Variants in WDHD1 observed in about 807,000 individuals in gnomAD.
WDHD1 encodes WD repeat and HMG-box DNA-binding protein 1.
WDHD1 carries 111 observed loss-of-function variants against 135.4 expected under a neutral mutation model. That is an observed-to-expected ratio of 0.82 (90% CI 0.70 to 0.96). The LOEUF (loss-of-function observed/expected upper bound fraction) is 0.96. Ranked by LOEUF, WDHD1 falls within the 40% of genes least tolerant of loss-of-function variation. The pLI, the probability that WDHD1 is intolerant of heterozygous loss-of-function variation, is 0.00. For missense variants in WDHD1, 1,351 were observed against 1,336.3 expected (o/e 1.01, Z -0.17); for synonymous variants, 434 against 439.0 (o/e 0.99, Z 0.14).
At chr14:55,018,563 A>C (rs1016046077) in intron 2 of WDHD1, among the ~76,000 whole-genome samples, 3 of 150,990 alleles carry the variant, frequency 2.0e-5, no homozygotes, top group African/African-American at 7.4e-5. Context: ...TTTTGTCCTT[A>C]AAAACAGTGA....
intron 7 of WDHD1, among the ~76,000 whole-genome samples, chr14:55,003,138 T>A (rs1039030920): frequency 6.6e-6 from 1 of 152,188 alleles, no homozygotes; most frequent in Non-Finnish European, 1.5e-5. Context: ...ATTAGGTTTT[T>A]TTGTAAGCAA....
intron 22 of WDHD1, 106 bp from the exon 23 acceptor site, chr14:54,957,310 A>T: frequency 1.6e-6 from 2 of 1,228,406 alleles, no homozygotes; most frequent in Non-Finnish European, 1.1e-6. Context: ...TTGCCATCTC[A>T]TCTTTAGAAC....
chr14:54,974,776 G>A (rs2041497655), intron 16 of WDHD1, among the ~76,000 whole-genome samples: 1 of 152,172 alleles, frequency 6.6e-6, no homozygotes, highest in Admixed American at 6.5e-5. Flanking sequence ...GCAGTGAGAT[G>A]AGATTGTGCC....
At chr14:54,975,282 G>A (rs1300817301) in intron 16 of WDHD1, among the ~76,000 whole-genome samples, 1 of 151,932 alleles carries the variant, frequency 6.6e-6, no homozygotes, top group East Asian at 1.9e-4. Flanking sequence ...ACAATACTTG[G>A]TAAACTGAAG....
chr14:54,986,416 C>A (rs990376319), intron 14 of WDHD1, among the ~76,000 whole-genome samples: 3 of 152,148 alleles, frequency 2.0e-5, no homozygotes, highest in Non-Finnish European at 4.4e-5. Context: ...AACTCTCCCG[C>A]CTCGGCCTCC....
In WDHD1 at chr14:54,981,631, A is replaced by C; in HGVS notation, c.1972T>G (p.Trp658Gly). The C allele has an allele frequency of 6.2e-7, 1 of 1,612,404 alleles. No homozygotes were observed. Among genetic ancestry groups the C allele is most frequent in the East Asian group, 2.2e-5 (1 of 44,838 alleles). The change falls in exon 16 of 26, where the codon TGG (tryptophan) becomes GGG (glycine). Residue 658 changes from tryptophan to glycine, a missense_variant. Around this residue, in one of 2 missense-constraint regions of WDHD1, gnomAD observed 1,330 missense variants for 1,296.1 expected, o/e 1.03. Coordinates refer to ENST00000360586, the MANE Select transcript of WDHD1 (RefSeq NM_007086.4). ...TCTCTTGTATTACATATAGGAGTCCACGTATTACCAAGTCCTCTGTTAAGC... is the reference window on the plus strand; with the variant it reads ...TCTCTTGTATTACATATAGGAGTCCCCGTATTACCAAGTCCTCTGTTAAGC... ...RMLNRGLGNTWTPICNTREHC... is the reference protein window; with the variant it reads ...RMLNRGLGNTGTPICNTREHC...
rs2040830399 is a variant in WDHD1, at chr14:54,941,099, G to A, written c.*391C>T. ...GTCTATGCTAACACACTTGGAAAGA[G>A]GACTATTGTCCTTCCTTGCACATGA... On this transcript the variant is annotated 3_prime_UTR_variant, in exon 26 of 26. Coordinates refer to ENST00000360586, the MANE Select transcript of WDHD1 (RefSeq NM_007086.4). The A allele has an allele frequency of 6.3e-6, 1 of 158,780 alleles. No homozygotes were observed. Among genetic ancestry groups the A allele is most frequent in the African/African-American group, 2.4e-5 (1 of 41,534 alleles). The allele number at this position is 158,780 out of a possible 1,614,324, so 9.8% of individuals were successfully genotyped here.
chr14:54,959,814 A>T (rs2041221278), intron 21 of WDHD1, among the ~76,000 whole-genome samples: 1 of 152,082 alleles, frequency 6.6e-6, no homozygotes, highest in South Asian at 2.1e-4. Flanking sequence ...AAAACAAACA[A>T]AAAAACCTTT....
At position 55,026,331 on chromosome 14, in the gene WDHD1, T is replaced by A. The variant is rs543055850; in HGVS notation, c.77+380A>T. Among the ~76,000 whole-genome samples, 101 of 151,352 alleles carry A rather than the reference T, an allele frequency of 6.7e-4. 1 individual carries two copies. The Middle Eastern group carries it at 0.024, about 36-fold the overall frequency. ...AAGCCGTCAAAAAGTTAAAAAAAAA[T>A]AAGCAAAAAGGGAAATAGCATCACT... is the stretch of plus-strand genomic sequence containing the variant. On this transcript the variant is annotated intron_variant, in intron 2 of 25. Transcript: ENST00000360586.
chr14:54,970,762 A>G (rs976943063), intron 16 of WDHD1, among the ~76,000 whole-genome samples: 2 of 152,318 alleles, frequency 1.3e-5, no homozygotes, highest in Non-Finnish European at 2.9e-5. Context: ...TTCATATGGA[A>G]CCAAAAAAGA....
intron 24 of WDHD1, among the ~76,000 whole-genome samples, chr14:54,948,491 G>C (rs542998396): frequency 1.7e-3 from 254 of 151,922 alleles, no homozygotes; most frequent in African/African-American, 5.8e-3. Context: ...CAAGGCGGCA[G>C]CCTCAGCCAG....
intron 21 of WDHD1, 151 bp from the exon 22 acceptor site, chr14:54,957,786 T>C: frequency 1.6e-6 from 1 of 632,572 alleles, no homozygotes; most frequent in Non-Finnish European, 2.7e-6. Flanking sequence ...ATATCCTCTT[T>C]CCTACTTCTA....
chr14:54,992,693 T>C (rs573030726), intron 11 of WDHD1, among the ~76,000 whole-genome samples: 1 of 152,170 alleles, frequency 6.6e-6, no homozygotes, highest in East Asian at 1.9e-4. Context: ...GGAGGGAATA[T>C]CACTTGAGGC....
rs1296251172 is a variant in WDHD1, at chr14:54,957,176, A to C, written c.2774T>G (p.Met925Arg). ...AGTTGAACGTGCTGAATTCATTGACATGGCTGGTTCTTTGGAACTGGCTGA... is the reference window on the plus strand; with the variant it reads ...AGTTGAACGTGCTGAATTCATTGACCTGGCTGGTTCTTTGGAACTGGCTGA... ...KVSASSKEPA[M>R]SMNSARSTNI... The change falls in exon 23 of 26, where the codon ATG becomes AGG. Residue 925 changes from methionine to arginine, a missense_variant. By Grantham distance (91) the Met-to-Arg change is moderately conservative. Around this residue, in one of 2 missense-constraint regions of WDHD1, gnomAD observed 1,330 missense variants for 1,296.1 expected, o/e 1.03. Coordinates refer to ENST00000360586, the MANE Select transcript of WDHD1 (RefSeq NM_007086.4). 3 of 1,613,962 alleles carry C rather than the reference A, an allele frequency of 1.9e-6. No individual in the cohort carries two copies. Among genetic ancestry groups the C allele is most frequent in the Non-Finnish European group, 1.7e-6 (2 of 1,179,968 alleles).
chr14:55,003,421 G>A (rs991656929), intron 7 of WDHD1, among the ~76,000 whole-genome samples: 3 of 151,896 alleles, frequency 2.0e-5, no homozygotes, highest in Non-Finnish European at 4.4e-5. Flanking sequence ...GGGCTGAGGT[G>A]GGAGGATGAA....
At chr14:55,005,871 C>T (rs761829030) in intron 7 of WDHD1, among the ~76,000 whole-genome samples, 6 of 151,584 alleles carry the variant, frequency 4.0e-5, no homozygotes, top group Non-Finnish European at 7.4e-5. Flanking sequence ...TCAGATGAGA[C>T]ATTTTATTTT....
chr14:55,002,614 T>A (rs2140215877), intron 7 of WDHD1, among the ~76,000 whole-genome samples: 1 of 145,858 alleles, frequency 6.9e-6, no homozygotes, highest in Admixed American at 7.0e-5. Flanking sequence ...TGATTACTTT[T>A]TTTTCCCCCA....
At chr14:55,021,317 TCTTC>T (rs1354214367) in intron 2 of WDHD1, among the ~76,000 whole-genome samples, 1 of 152,238 alleles carries the variant, frequency 6.6e-6, no homozygotes, top group Non-Finnish European at 1.5e-5. Flanking sequence ...TTCTACATCT[TCTTC>T]CTTATCACTT....
chr14:54,981,101 ACT>A (rs2041612870), intron 16 of WDHD1, among the ~76,000 whole-genome samples: 1 of 152,184 alleles, frequency 6.6e-6, no homozygotes, highest in South Asian at 2.1e-4. Context: ...ACAGAGCGAG[ACT>A]CTGTCTTCTA....
Sources: allele counts gnomAD v4.1 joint callset (sites outside exome capture counted in the v4.1 genomes callset), GRCh38; gene constraint gnomAD v4.1.1; regional missense constraint gnomAD v4.1.1; transcripts MANE v1.5; gene names NCBI Gene and HGNC (gene_info 2026-07-23, HGNC 2026-07-21).